The following PHACTR1 variants were observed in gnomAD, a reference collection of about 807,000 sequenced individuals.
PHACTR1 encodes RPEL repeat containing 1.
A neutral mutation model predicts 69.2 loss-of-function variants in PHACTR1; 16 were observed. The observed-to-expected ratio is 0.23, with a 90% CI of 0.16 to 0.35. PHACTR1 has a LOEUF of 0.35. Ranked by LOEUF, PHACTR1 falls within the 10% of genes least tolerant of loss-of-function variation. PHACTR1 has a pLI of 1.00. For missense variants in PHACTR1, 510 were observed against 734.7 expected, an observed-to-expected ratio of 0.69 and a Z score of 3.54; for synonymous variants, 312 against 284.5, an observed-to-expected ratio of 1.10 and a Z score of -0.97.
At chr6:12,889,373 A>C (rs1783945226) in intron 4 of PHACTR1, among the ~76,000 whole-genome samples, 1 of 152,244 alleles carries the variant, frequency 6.6e-6, no homozygotes, top group Non-Finnish European at 1.5e-5. Flanking sequence ...ATGAGCCTCT[A>C]TCTCTGCCTG....
intron 4 of PHACTR1, among the ~76,000 whole-genome samples, chr6:12,881,230 G>A (rs1464339005): frequency 1.3e-5 from 2 of 152,150 alleles, no homozygotes; most frequent in Non-Finnish European, 2.9e-5. Context: ...TTGTTGCCAT[G>A]GTGAATATTA....
intron 8 of PHACTR1, among the ~76,000 whole-genome samples, chr6:13,207,237 ATTAC>A (rs1474864005): frequency 1.3e-5 from 2 of 152,210 alleles, no homozygotes; most frequent in African/African-American, 4.8e-5. Context: ...TTCTGTGTAT[ATTAC>A]TTTTATGATA....
At chr6:12,969,479 TGCTTGTAATCCCA>T (rs1228061315) in intron 4 of PHACTR1, among the ~76,000 whole-genome samples, 1 of 152,186 alleles carries the variant, frequency 6.6e-6, no homozygotes, top group Non-Finnish European at 1.5e-5. Flanking sequence ...TGGTGACTCA[TGCTTGTAATCCCA>T]GCATTTCAGG....
chr6:13,023,590 C>T (rs1278533110), intron 4 of PHACTR1, among the ~76,000 whole-genome samples: 1 of 152,250 alleles, frequency 6.6e-6, no homozygotes, highest in East Asian at 1.9e-4. Flanking sequence ...CATTCTGCTT[C>T]CCTTGTCCCC....
chr6:13,249,056 A>G lies in PHACTR1; in HGVS notation c.1391+18863A>G, dbSNP rs148476237. On this transcript the variant is annotated intron_variant, in intron 10 of 14. Transcript: ENST00000332995. ...TAACTGTACCATTTTTAAAGGTTTGATTAACTGTTCGTGGCTTATCAGCAT... is the reference window on the plus strand; with the variant it reads ...TAACTGTACCATTTTTAAAGGTTTGGTTAACTGTTCGTGGCTTATCAGCAT... Among the ~76,000 whole-genome samples, 360 of 152,278 alleles carry G rather than the reference A, an allele frequency of 2.4e-3. 1 individual carries two copies. Among genetic ancestry groups the G allele is most frequent in the African/African-American group, 8.1e-3 (338 of 41,550 alleles).
At chr6:12,885,436 T>C (rs1783543270) in intron 4 of PHACTR1, among the ~76,000 whole-genome samples, 1 of 152,242 alleles carries the variant, frequency 6.6e-6, no homozygotes, top group African/African-American at 2.4e-5. Flanking sequence ...AAAGAATTCC[T>C]ATTATCTGGA....
intron 4 of PHACTR1, among the ~76,000 whole-genome samples, chr6:12,781,184 T>C (rs9381391): frequency 0.49 from 75,003 of 152,042 alleles, 21,044 homozygotes; most frequent in East Asian, 0.96. Context: ...CACTGTGTTC[T>C]GTGCACAGAC....
intron 4 of PHACTR1, among the ~76,000 whole-genome samples, chr6:12,956,953 A>C (rs899607422): frequency 2.8e-4 from 43 of 152,102 alleles, no homozygotes; most frequent in African/African-American, 9.7e-4. Context: ...CTACTCAAGA[A>C]TTGAACCGAA....
rs200277119 is a variant in PHACTR1, at chr6:12,983,122, C to G, written c.251-70243C>G. Among the ~76,000 whole-genome samples the G allele has an allele frequency of 2.6e-5, 4 of 152,152 alleles. No homozygotes were observed. In the East Asian group the frequency reaches 5.8e-4, roughly 22 times the overall value. ...TTTCTTGTATGACATGTTGAATTTG[C>G]AAACTCAAGGAAATACAAATTAATT... On this transcript the variant is annotated intron_variant, in intron 4 of 14. Transcript: ENST00000332995.
At chr6:12,771,481 G>A (rs984696027) in intron 4 of PHACTR1, among the ~76,000 whole-genome samples, 3 of 152,162 alleles carry the variant, frequency 2.0e-5, no homozygotes, top group Non-Finnish European at 2.9e-5. Flanking sequence ...GGGAACTCAG[G>A]AGAAATATTC....
intron 4 of PHACTR1, among the ~76,000 whole-genome samples, chr6:12,862,799 T>C (rs1044208375): frequency 3.9e-5 from 6 of 152,222 alleles, no homozygotes; most frequent in Non-Finnish European, 8.8e-5. Context: ...CTACTACTAA[T>C]TAATTACAGC....
intron 4 of PHACTR1, among the ~76,000 whole-genome samples, chr6:12,829,794 A>C (rs1230827140): frequency 9.5e-5 from 14 of 147,988 alleles, no homozygotes; most frequent in Non-Finnish European, 2.1e-4. Flanking sequence ...GTCTCTACTA[A>C]AAATACAAAA....
rs529384897 is a variant in PHACTR1 at position 12,717,831 on chromosome 6, G to A, written c.-47+88G>A. Reference sequence around the variant, plus strand: ...GGTTTCTTAAATTAAAATACATACTGTTAGAAAGAGAAACCAATTGGATTA... The same window carrying A: ...GGTTTCTTAAATTAAAATACATACTATTAGAAAGAGAAACCAATTGGATTA... On this transcript the variant is annotated intron_variant, in intron 2 of 14. Transcript: ENST00000332995. 3 of 152,204 alleles carry A rather than the reference G, an allele frequency of 2.0e-5. No homozygotes were observed. The East Asian group carries it at 5.8e-4, about 29-fold the overall frequency. The allele number at this position is 152,204 out of a possible 1,614,324, so 9.4% of individuals were successfully genotyped here.
intron 4 of PHACTR1, among the ~76,000 whole-genome samples, chr6:12,884,647 C>T (rs1438418112): frequency 6.6e-6 from 1 of 152,268 alleles, no homozygotes; most frequent in Non-Finnish European, 1.5e-5. Context: ...ATGGTCCGCC[C>T]GCCTCAGCCT....
chr6:13,167,737 G>T (rs950761571), intron 6 of PHACTR1, among the ~76,000 whole-genome samples: 1 of 152,208 alleles, frequency 6.6e-6, no homozygotes, highest in Non-Finnish European at 1.5e-5. Context: ...ATTGAGGTAT[G>T]TTTTTTTCCT....
chr6:13,065,952 T>TA (rs368922162), intron 5 of PHACTR1, among the ~76,000 whole-genome samples: 4,019 of 136,946 alleles, frequency 0.029, 139 homozygotes, highest in African/African-American at 0.086. Flanking sequence ...ATTTCTTCTT[T>TA]AAAAAAAAAA....
chr6:13,155,126 A>G (rs1757981642), intron 5 of PHACTR1, among the ~76,000 whole-genome samples: 1 of 152,102 alleles, frequency 6.6e-6, no homozygotes, highest in African/African-American at 2.4e-5. Flanking sequence ...TTGGCTTCTG[A>G]TTAACCCCAG....
chr6:13,228,489 A>T (rs1415075135), intron 9 of PHACTR1, among the ~76,000 whole-genome samples: 1 of 152,234 alleles, frequency 6.6e-6, no homozygotes, highest in African/African-American at 2.4e-5. Flanking sequence ...GAAGGCCTCA[A>T]TTTAAATTTC....
intron 4 of PHACTR1, among the ~76,000 whole-genome samples, chr6:12,771,186 T>C (rs1443596305): frequency 6.6e-6 from 1 of 152,110 alleles, no homozygotes; most frequent in Non-Finnish European, 1.5e-5. Flanking sequence ...TGATAAAGGC[T>C]TGAGTTAGAG....
Sources: allele counts gnomAD v4.1 joint callset (sites outside exome capture counted in the v4.1 genomes callset), GRCh38; gene constraint gnomAD v4.1.1; transcripts MANE v1.5; gene names NCBI Gene and HGNC (gene_info 2026-07-23, HGNC 2026-07-21).